CLDN6: variants seen among roughly 807,000 people sequenced by gnomAD.
CLDN6 encodes claudin 6, also known as claudin-6.
For missense variants in CLDN6, 279 were observed against 284.1 expected (o/e 0.98, Z 0.13); for synonymous variants, 144 against 131.2 (o/e 1.10, Z -0.67).
Position 3,014,751 on chromosome 16 carries a change from T to G in CLDN6, c.*608A>C. On this transcript the variant is annotated 3_prime_UTR_variant, in exon 2 of 2. Transcript: ENST00000328796. ...ATGCTTTATTTGATAAAAATGTGAG[T>G]GTAAAGGGGGTGAGACGAGGGGGGC... The G allele has an allele frequency of 6.1e-6, 1 of 163,418 alleles. No homozygotes were observed. Among genetic ancestry groups the G allele is most frequent in the Non-Finnish European group, 1.2e-5 (1 of 85,302 alleles). The allele number at this position is 163,418 out of a possible 1,614,324, so 10.1% of individuals were successfully genotyped here. A position where few individuals can be genotyped will look rare whatever the true frequency, so the allele number is the denominator to read the frequency against.
In CLDN6 at chr16:3,017,357, G is replaced by A. The variant is rs548105153; in HGVS notation, c.-22+792C>T. ...CCTATGAATTCTAGACGAAAATGCC[G>A]TGCTAGACTCCCCTCAACACCAGTT... On this transcript the variant is annotated intron_variant, in intron 1 of 1. Transcript: ENST00000328796. 1.8e-4 allele frequency among the ~76,000 whole-genome samples: 28 copies of A among 152,326 alleles called. No homozygotes were observed. In the South Asian group the frequency reaches 5.8e-3, roughly 32 times the overall value.
chr16:3,016,138 G>A, intron 1 of CLDN6, 96 bp from the exon 2 acceptor site: 3 of 1,158,662 alleles, frequency 2.6e-6, no homozygotes, highest in Non-Finnish European at 2.4e-6. Context: ...ACCCTGGAAA[G>A]TGGTCATCAC....
chr16:3,017,866 G>A (rs1232459521), intron 1 of CLDN6, among the ~76,000 whole-genome samples: 2 of 151,884 alleles, frequency 1.3e-5, no homozygotes, highest in South Asian at 2.1e-4. Context: ...GAGGGGGAGG[G>A]GGGAGGGGCG....
chr16:3,016,445 T>C (rs1284342238), intron 1 of CLDN6, among the ~76,000 whole-genome samples: 1 of 152,218 alleles, frequency 6.6e-6, no homozygotes, highest in African/African-American at 2.4e-5. Context: ...GGTTCAATTC[T>C]AGCCCTGAGT....
Position 3,015,127 on chromosome 16 carries a change from A to C in CLDN6, c.*232T>G. Reference sequence around the variant, plus strand: ...TAAGATGGGCATGTCAAGATCCAGAATCTCAAAGCATCCCCTCTTTGGCTC... The same window carrying C: ...TAAGATGGGCATGTCAAGATCCAGACTCTCAAAGCATCCCCTCTTTGGCTC... On this transcript the variant is annotated 3_prime_UTR_variant, in exon 2 of 2. Transcript: ENST00000328796. 1 of 454,646 alleles carries C rather than the reference A, an allele frequency of 2.2e-6. No homozygotes were observed. Among genetic ancestry groups the C allele is most frequent in the Non-Finnish European group, 3.9e-6 (1 of 259,582 alleles). 28.2% of individuals were successfully genotyped at this position (454,646 alleles called of 1,614,324 possible). A position where few individuals can be genotyped will look rare whatever the true frequency, so the allele number is the denominator to read the frequency against.
intron 1 of CLDN6, among the ~76,000 whole-genome samples, chr16:3,016,637 C>T (rs1008672064): frequency 4.8e-5 from 7 of 145,028 alleles, no homozygotes; most frequent in Non-Finnish European, 1.0e-4. Flanking sequence ...CACACCACCA[C>T]GCCCGGCTAA....
chr16:3,014,771 G>A lies in CLDN6; in HGVS notation c.*588C>T, dbSNP rs1483280160. On this transcript the variant is annotated 3_prime_UTR_variant, in exon 2 of 2. Transcript: ENST00000328796. The stretch of plus-strand genomic sequence containing the variant: ...GTGAGTGTAAAGGGGGTGAGACGAG[G>A]GGGGCAGGGCAGAAGGGTGCAGTGT... The A allele has an allele frequency of 4.4e-6, 1 of 226,650 alleles. No individual in the cohort carries two copies. The highest frequency in any genetic ancestry group is 8.5e-6 in the Non-Finnish European group (1 of 117,594). 14.0% of individuals were successfully genotyped at this position (226,650 alleles called of 1,614,324 possible). A position where few individuals can be genotyped will look rare whatever the true frequency, so the allele number is the denominator to read the frequency against.
At position 3,014,911 on chromosome 16, in the gene CLDN6, C is replaced by G. The variant is rs1596467924; in HGVS notation, c.*448G>C. 1 of 390,964 alleles carries G rather than the reference C, an allele frequency of 2.6e-6. No homozygotes were observed. 24.2% of individuals were successfully genotyped at this position (390,964 alleles called of 1,614,324 possible). On this transcript the variant is annotated 3_prime_UTR_variant, in exon 2 of 2. Coordinates refer to ENST00000328796, the MANE Select transcript of CLDN6 (RefSeq NM_021195.5). ...CCGGAGGTGGGCAGTCCTTTGTTAA[C>G]AGATCATTTGTTTTTCCAGGGGTGA...
intron 1 of CLDN6, 92 bp from the exon 2 acceptor site, chr16:3,016,134 G>C: frequency 8.3e-7 from 1 of 1,211,858 alleles, no homozygotes; most frequent in South Asian, 1.6e-5. Flanking sequence ...ATGCACCCTG[G>C]AAAGTGGTCA....
chr16:3,017,236 A>G (rs922133699), intron 1 of CLDN6, among the ~76,000 whole-genome samples: 26 of 152,168 alleles, frequency 1.7e-4, no homozygotes, highest in African/African-American at 5.5e-4. Flanking sequence ...ATCTAAAAGC[A>G]GTTCCTCCCC....
rs2072565542 is a variant in CLDN6, at chr16:3,016,049, T to C, written c.-21-7A>G. ...CGAGGTTGAAGGAGCTGCACTGTGT[T>C]TGGGACAGAAGCACAACAAGGTGAG... On this transcript the variant is annotated splice_region_variant and splice_polypyrimidine_tract_variant and intron_variant, in intron 1 of 1. Coordinates refer to ENST00000328796, the MANE Select transcript of CLDN6 (RefSeq NM_021195.5). 2 of 1,599,734 alleles carry C rather than the reference T, an allele frequency of 1.3e-6. No individual in the cohort carries two copies. Among genetic ancestry groups the C allele is most frequent in the Non-Finnish European group, 8.5e-7 (1 of 1,171,260 alleles).
chr16:3,015,674 G>T lies in CLDN6; in HGVS notation c.348C>A (p.Arg116=). 6.2e-7 allele frequency: 1 copy of T among 1,613,576 alleles called. No individual in the cohort carries two copies. The highest frequency in any genetic ancestry group is 8.5e-7 in the Non-Finnish European group (1 of 1,180,050). ...TCVEEKDSKA[R]LVLTSGIVFV... ...AGACAATCCCAGAGGTGAGCACCAG[G>T]CGGGCCTTGGAATCCTTCTCCTCCA... The change falls in exon 2 of 2, where the codon CGC becomes CGA. Residue 116 remains arginine, a synonymous_variant. Coordinates refer to ENST00000328796, the MANE Select transcript of CLDN6 (RefSeq NM_021195.5).
At chr16:3,017,741 ATGAAAAAGACTC>A (rs1190501376) in intron 1 of CLDN6, among the ~76,000 whole-genome samples, 2 of 151,686 alleles carry the variant, frequency 1.3e-5, no homozygotes, top group Non-Finnish European at 3.0e-5. Flanking sequence ...CATGCACTGC[ATGAAAAAGACTC>A]TGTCCGAGGG....
In CLDN6 at chr16:3,015,768, A is replaced by G; in HGVS notation, c.254T>C (p.Val85Ala). The change falls in exon 2 of 2, where the codon GTC becomes GCC. Residue 85 changes from valine (V) to alanine (A), a missense_variant. Val to Ala is a moderately conservative substitution (Grantham distance 64, BLOSUM62 0). Transcript: ENST00000328796. ...QDLQAARALC[V>A]IALLVALFGL... ...GAACAGGGCCACAAGGAGGGCGATG[A>G]CACAGAGGGCACGTGCAGCCTGCAG... is the stretch of plus-strand genomic sequence containing the variant. 6.2e-7 allele frequency: 1 copy of G among 1,614,110 alleles called. No individual in the cohort carries two copies. Among genetic ancestry groups the G allele is most frequent in the Middle Eastern group, 1.7e-4 (1 of 6,040 alleles).
In CLDN6 at chr16:3,015,721, C is replaced by G. The variant is rs757214846; in HGVS notation, c.301G>C (p.Gly101Arg). Residue 101 changes from glycine to arginine, a missense_variant, in exon 2 of 2, where the codon GGG becomes CGG. Gly to Arg is a moderately radical substitution (Grantham distance 125, BLOSUM62 -2). Coordinates refer to ENST00000328796, the MANE Select transcript of CLDN6 (RefSeq NM_021195.5). ...TCCACACAGGTGGTACACTTGGCCC[C>G]AGCAAGGTAGACCAGCAAGCCGAAC... ...ALFGLLVYLA[G>R]AKCTTCVEEK... 1 of 1,613,944 alleles carries G rather than the reference C, an allele frequency of 6.2e-7. No individual in the cohort carries two copies. The highest frequency in any genetic ancestry group is 8.5e-7 in the Non-Finnish European group (1 of 1,180,044).
rs372194239 is a variant in CLDN6, at chr16:3,015,336, C to G, written c.*23G>C. Reference sequence around the variant, plus strand: ...CACTTCTGGATGGCTCTAGCGCCAGCGGAGCCCCCATTCCCCTCCACGTCA... The same window carrying G: ...CACTTCTGGATGGCTCTAGCGCCAGGGGAGCCCCCATTCCCCTCCACGTCA... On this transcript the variant is annotated 3_prime_UTR_variant, in exon 2 of 2. Coordinates refer to ENST00000328796, the MANE Select transcript of CLDN6 (RefSeq NM_021195.5). The G allele has an allele frequency of 4.0e-5, 61 of 1,515,754 alleles. No homozygotes were observed. In the African/African-American group the frequency reaches 7.7e-4, roughly 19 times the overall value. The allele number at this position is 1,515,754 out of a possible 1,614,324, so 93.9% of individuals were successfully genotyped here.
rs1183872532 is a variant in CLDN6 at position 3,015,018 on chromosome 16, A to G, written c.*341T>C. ...GGGAAGCCCAGCCCCCAGCAGCAGC[A>G]GGAACTCTTGGGGACAGTCTGTCTT... On this transcript the variant is annotated 3_prime_UTR_variant, in exon 2 of 2. Coordinates refer to ENST00000328796, the MANE Select transcript of CLDN6 (RefSeq NM_021195.5). 1.9e-5 allele frequency: 8 copies of G among 411,074 alleles called. No individual in the cohort carries two copies. Among genetic ancestry groups the G allele is most frequent in the Non-Finnish European group, 2.6e-5 (6 of 233,730 alleles). The allele number at this position is 411,074 out of a possible 1,614,324, so 25.5% of individuals were successfully genotyped here. A position where few individuals can be genotyped will look rare whatever the true frequency, so the allele number is the denominator to read the frequency against.
chr16:3,016,515 C>G (rs1283551921), intron 1 of CLDN6, among the ~76,000 whole-genome samples: 1 of 152,220 alleles, frequency 6.6e-6, no homozygotes, highest in Non-Finnish European at 1.5e-5. Flanking sequence ...GAGTCTCGCT[C>G]TGTGGCCCAG....
intron 1 of CLDN6, among the ~76,000 whole-genome samples, chr16:3,016,901 G>A (rs914418499): frequency 2.0e-5 from 3 of 152,138 alleles, no homozygotes; most frequent in African/African-American, 7.2e-5. Context: ...TCCCGCCTCA[G>A]CCTCCCAGAG....
Sources: allele counts gnomAD v4.1 joint callset (sites outside exome capture counted in the v4.1 genomes callset), GRCh38; gene constraint gnomAD v4.1.1; transcripts MANE v1.5; gene names NCBI Gene and HGNC (gene_info 2026-07-23, HGNC 2026-07-21).